The following PRKCA variants were observed in gnomAD, a reference collection of about 807,000 sequenced individuals.
The protein encoded by PRKCA is protein kinase C alpha type.
Under a neutral mutation model 87.0 loss-of-function variants are expected in PRKCA, and 27 were observed. The observed-to-expected ratio is 0.31, with a 90% confidence interval of 0.23 to 0.43. PRKCA has a LOEUF of 0.43. PRKCA is among the 20% of genes least tolerant of loss of function. The pLI is 1.00. For missense variants in PRKCA, 518 were observed against 852.3 expected, an observed-to-expected ratio of 0.61 and a Z score of 4.88; for synonymous variants, 329 against 311.1, an observed-to-expected ratio of 1.06 and a Z score of -0.61.
At chr17:66,470,190 CT>C (rs546468555) in intron 2 of PRKCA, among the ~76,000 whole-genome samples, 45,592 of 101,288 alleles carry the variant, frequency 0.45, 10,647 homozygotes, top group East Asian at 0.63. Flanking sequence ...AACCAGTTTG[CT>C]TTTTTTTTTT....
intron 2 of PRKCA, among the ~76,000 whole-genome samples, chr17:66,417,331 A>T (rs1166367094): frequency 6.6e-6 from 1 of 152,028 alleles, no homozygotes; most frequent in Non-Finnish European, 1.5e-5. Flanking sequence ...ATACCACAAA[A>T]CTGTCTGGCT....
intron 2 of PRKCA, among the ~76,000 whole-genome samples, chr17:66,394,076 A>G (rs1348730187): frequency 6.6e-6 from 1 of 152,198 alleles, no homozygotes; most frequent in African/African-American, 2.4e-5. Context: ...CTGTCTCAAA[A>G]AAAAAGAAAG....
At chr17:66,628,352 G>T (rs1970915631) in intron 3 of PRKCA, among the ~76,000 whole-genome samples, 1 of 151,766 alleles carries the variant, frequency 6.6e-6, no homozygotes, top group African/African-American at 2.4e-5. Flanking sequence ...TAGGAATTGG[G>T]GGTTGATTAA....
At chr17:66,566,818 C>T (rs1300368233) in intron 3 of PRKCA, among the ~76,000 whole-genome samples, 1 of 152,100 alleles carries the variant, frequency 6.6e-6, no homozygotes, top group Non-Finnish European at 1.5e-5. Flanking sequence ...GTTTGGGACA[C>T]AGCCTCCGAG....
At chr17:66,735,368 A>T in intron 9 of PRKCA, 121 bp from the exon 10 acceptor site, 4 of 995,292 alleles carry the variant, frequency 4.0e-6, no homozygotes, top group Non-Finnish European at 4.6e-6. Flanking sequence ...TAATATTTTT[A>T]TGTTCCACAT....
intron 16 of PRKCA, among the ~76,000 whole-genome samples, chr17:66,795,955 C>T (rs180938672): frequency 2.0e-5 from 3 of 152,326 alleles, no homozygotes; most frequent in Admixed American, 6.5e-5. Flanking sequence ...AACTCATCAA[C>T]GGAATCAGCC....
chr17:66,749,476 T>A (rs1460560639), intron 13 of PRKCA, among the ~76,000 whole-genome samples: 1 of 152,194 alleles, frequency 6.6e-6, no homozygotes, highest in Non-Finnish European at 1.5e-5. Flanking sequence ...TATTTGAACC[T>A]GCAAACCTCC....
rs149242586 is a variant in PRKCA at position 66,339,251 on chromosome 17, T to C, written c.205+33124T>C. Among the ~76,000 whole-genome samples the C allele has an allele frequency of 3.3e-5, 5 of 152,330 alleles. No individual in the cohort carries two copies. In the East Asian group the frequency reaches 7.7e-4, roughly 24 times the overall value. ...TACAAAGTTTCCAGTCTATTCTTCC[T>C]ATGTCTGCCCTCAGTGAGCTAGCAT... On this transcript the variant is annotated intron_variant, in intron 2 of 16. Coordinates refer to ENST00000413366, the MANE Select transcript of PRKCA (RefSeq NM_002737.3).
At chr17:66,335,381 C>T (rs1906597560) in intron 2 of PRKCA, among the ~76,000 whole-genome samples, 1 of 152,058 alleles carries the variant, frequency 6.6e-6, no homozygotes, top group South Asian at 2.1e-4. Context: ...GCATTCCTCC[C>T]ACCTTGGCCT....
chr17:66,463,750 C>T (rs567229739), intron 2 of PRKCA, among the ~76,000 whole-genome samples: 1 of 152,256 alleles, frequency 6.6e-6, no homozygotes, highest in South Asian at 2.1e-4. Context: ...AGGTTCCCAG[C>T]AAAACTGAGC....
intron 3 of PRKCA, among the ~76,000 whole-genome samples, chr17:66,508,453 T>A (rs1222057022): frequency 6.6e-6 from 1 of 152,186 alleles, no homozygotes; most frequent in Non-Finnish European, 1.5e-5. Context: ...AGCACTCTGC[T>A]CCTGATGTTG....
At chr17:66,613,635 CT>C (rs1970433382) in intron 3 of PRKCA, among the ~76,000 whole-genome samples, 1 of 152,126 alleles carries the variant, frequency 6.6e-6, no homozygotes, top group Non-Finnish European at 1.5e-5. Flanking sequence ...TGTTCCCCAG[CT>C]TGCAGCTACA....
intron 3 of PRKCA, among the ~76,000 whole-genome samples, chr17:66,546,767 A>G (rs568424336): frequency 1.5e-4 from 23 of 152,354 alleles, no homozygotes; most frequent in Middle Eastern, 3.4e-3. Flanking sequence ...TTTGGGGAAC[A>G]CAATACGACC....
intron 8 of PRKCA, among the ~76,000 whole-genome samples, chr17:66,698,451 A>C (rs1200512679): frequency 6.6e-6 from 1 of 152,218 alleles, no homozygotes; most frequent in Non-Finnish European, 1.5e-5. Context: ...ACAGTGAATG[A>C]AATGGAAAAT....
chr17:66,731,071 G>A lies in PRKCA; in HGVS notation c.919-1617G>A, dbSNP rs190916732. ...AGGTGCACCCTCTCATTAAGAATGG[G>A]CAGGCGTGGTGGCTCATGCCTGTAA... On this transcript the variant is annotated intron_variant, in intron 8 of 16. Coordinates refer to ENST00000413366, the MANE Select transcript of PRKCA (RefSeq NM_002737.3). 1.9e-4 allele frequency among the ~76,000 whole-genome samples: 29 copies of A among 152,168 alleles called. No homozygotes were observed. The East Asian group carries it at 5.3e-3, about 28-fold the overall frequency.
In PRKCA at chr17:66,803,514, C is replaced by G. The variant is rs1333502174; in HGVS notation, c.1855-359C>G. Among the ~76,000 whole-genome samples, 1 of 152,244 alleles carries G rather than the reference C, an allele frequency of 6.6e-6. No individual in the cohort carries two copies. Among genetic ancestry groups the G allele is most frequent in the African/African-American group, 2.4e-5 (1 of 41,476 alleles). ...CCCAGCCGACATCCTGGCCTTTCAACACGGAGCTGTGACTGACGGCCCTGC... is the reference window on the plus strand; with the variant it reads ...CCCAGCCGACATCCTGGCCTTTCAAGACGGAGCTGTGACTGACGGCCCTGC... On this transcript the variant is annotated intron_variant, in intron 16 of 16. Coordinates refer to ENST00000413366, the MANE Select transcript of PRKCA (RefSeq NM_002737.3). The surrounding 1 kb of genome is among the most constrained non-coding windows in gnomAD (Gnocchi z 4.4).
rs1568025885 is a variant in PRKCA at position 66,774,054 on chromosome 17, T to C, written c.1592T>C (p.Met531Thr). ...GCCTATGGCGTCCTGTTGTATGAAATGCTTGCCGGGCAGGTAATGTTTTGC... is the reference window on the plus strand; with the variant it reads ...GCCTATGGCGTCCTGTTGTATGAAACGCTTGCCGGGCAGGTAATGTTTTGC... ...WWAYGVLLYE[M>T]LAGQPPFDGE... The change falls in exon 14 of 17, where the codon ATG (methionine) becomes ACG (threonine). Residue 531 changes from methionine (M) to threonine (T), a missense_variant. Met to Thr is a moderately conservative substitution (Grantham distance 81, BLOSUM62 -1). This residue lies in a region of PRKCA where 159 missense variants were observed against 232.4 expected (regional missense o/e 0.68). Coordinates refer to ENST00000413366, the MANE Select transcript of PRKCA (RefSeq NM_002737.3). 1.2e-6 allele frequency: 2 copies of C among 1,614,102 alleles called. No individual in the cohort carries two copies.
intron 2 of PRKCA, among the ~76,000 whole-genome samples, chr17:66,422,837 A>G (rs1204234444): frequency 6.6e-6 from 1 of 152,210 alleles, no homozygotes; most frequent in Non-Finnish European, 1.5e-5. Flanking sequence ...CAGGCCGGGC[A>G]TGGTGGCTCA....
chr17:66,555,357 A>G (rs1354155706), intron 3 of PRKCA, among the ~76,000 whole-genome samples: 1 of 152,018 alleles, frequency 6.6e-6, no homozygotes, highest in Non-Finnish European at 1.5e-5. Flanking sequence ...TCTTTTATGG[A>G]AGTTGCCACC....
Sources: allele counts gnomAD v4.1 joint callset (sites outside exome capture counted in the v4.1 genomes callset), GRCh38; gene constraint gnomAD v4.1.1; regional missense constraint gnomAD v4.1.1; non-coding constraint Gnocchi (gnomAD v3.1); transcripts MANE v1.5; gene names NCBI Gene and HGNC (gene_info 2026-07-23, HGNC 2026-07-21).